Variants in NAV2 observed in about 807,000 individuals in gnomAD.
NAV2 encodes helicase, APC down-regulated 1.
NAV2 carries 54 observed loss-of-function variants against 223.2 expected under a neutral mutation model. The ratio of observed to expected loss-of-function variants is 0.24; its 90% CI spans 0.19 to 0.30. The LOEUF (loss-of-function observed/expected upper bound fraction) is 0.30, where lower values mean the gene tolerates loss of function less well. Among genes scored for constraint, NAV2 ranks in the 10% least tolerant of loss-of-function variants. The pLI, the probability that NAV2 is intolerant of heterozygous loss-of-function variation, is 1.00. For missense variants in NAV2, 2,806 were observed against 3,147.5 expected (o/e 0.89, Z 2.60); for synonymous variants, 1,279 against 1,239.3 (o/e 1.03, Z -0.67).
At chr11:19,884,906 G>A (rs934213586) in intron 5 of NAV2, among the ~76,000 whole-genome samples, 10 of 152,066 alleles carry the variant, frequency 6.6e-5, no homozygotes, top group African/African-American at 4.8e-5. Flanking sequence ...GCTATGTCTC[G>A]TCTTTGTTTC....
At chr11:19,411,981 G>C (rs1850165447) in intron 1 of NAV2, among the ~76,000 whole-genome samples, 1 of 152,170 alleles carries the variant, frequency 6.6e-6, no homozygotes, top group African/African-American at 2.4e-5. Flanking sequence ...TCATGCTATA[G>C]AGTAGAGCTT....
At chr11:19,495,285 C>G (rs113060195) in intron 1 of NAV2, among the ~76,000 whole-genome samples, 11 of 152,214 alleles carry the variant, frequency 7.2e-5, no homozygotes, top group African/African-American at 2.2e-4. Flanking sequence ...AGGAATGGGA[C>G]ATCCAGAAAT....
chr11:19,381,747 T>G (rs1023356097), intron 1 of NAV2, among the ~76,000 whole-genome samples: 8 of 152,138 alleles, frequency 5.3e-5, no homozygotes, highest in Non-Finnish European at 1.2e-4. Context: ...AATGTGGCCA[T>G]TTGGTTTTTT....
At chr11:19,610,625 T>A (rs1298189098) in intron 1 of NAV2, among the ~76,000 whole-genome samples, 1 of 152,220 alleles carries the variant, frequency 6.6e-6, no homozygotes. Flanking sequence ...GGAGGAAGTC[T>A]AGAGGTCAAT....
At chr11:19,561,381 A>G (rs561274289) in intron 1 of NAV2, among the ~76,000 whole-genome samples, 1 of 152,292 alleles carries the variant, frequency 6.6e-6, no homozygotes, top group South Asian at 2.1e-4. Context: ...TTTTGGGAAA[A>G]TCAGGAAATT....
intron 1 of NAV2, among the ~76,000 whole-genome samples, chr11:19,802,289 A>G (rs572461543): frequency 6.6e-6 from 1 of 152,144 alleles, no homozygotes; most frequent in Non-Finnish European, 1.5e-5. Flanking sequence ...TCATGCATCA[A>G]GGAGGGGTGG....
At chr11:19,382,610 A>G (rs1464356321) in intron 1 of NAV2, among the ~76,000 whole-genome samples, 2 of 152,192 alleles carry the variant, frequency 1.3e-5, no homozygotes, top group East Asian at 1.9e-4. Context: ...CCCGAAGTCT[A>G]ATGACTGAAA....
chr11:19,496,551 T>C (rs11025157), intron 1 of NAV2, among the ~76,000 whole-genome samples: 22,938 of 152,232 alleles, frequency 0.15, 1,816 homozygotes, highest in Admixed American at 0.2. Flanking sequence ...AAGCATGTGC[T>C]TCAAGAAAGA....
intron 1 of NAV2, among the ~76,000 whole-genome samples, chr11:19,717,991 C>T (rs1232399549): frequency 1.3e-5 from 2 of 152,182 alleles, no homozygotes; most frequent in Non-Finnish European, 2.9e-5. Context: ...GTCACCCACC[C>T]TTCCTCCAGG....
intron 1 of NAV2, among the ~76,000 whole-genome samples, chr11:19,474,665 T>A (rs1483751522): frequency 6.6e-6 from 1 of 152,194 alleles, no homozygotes; most frequent in Non-Finnish European, 1.5e-5. Context: ...AATATATTCA[T>A]GGATTATTTG....
chr11:19,832,416 C>T lies in NAV2; in HGVS notation c.268-68C>T, dbSNP rs867142270. 177 of 1,237,826 alleles carry T rather than the reference C, an allele frequency of 1.4e-4. No individual in the cohort carries two copies. In the African/African-American group the frequency reaches 2.1e-3, roughly 15 times the overall value. 76.7% of individuals were successfully genotyped at this position (1,237,826 alleles called of 1,614,324 possible). On this transcript the variant is annotated intron_variant, in intron 1 of 37. Coordinates refer to ENST00000349880, the MANE Select transcript of NAV2 (RefSeq NM_145117.5). ...ACAGTGGCCACTGTGCCGGCCCGAG[C>T]AGCTGCCTCAGACTCTGAGAGGGGA...
chr11:19,622,879 G>T (rs1374543352), intron 1 of NAV2, among the ~76,000 whole-genome samples: 1 of 152,114 alleles, frequency 6.6e-6, no homozygotes, highest in African/African-American at 2.4e-5. Flanking sequence ...TTACAATTTG[G>T]CATGTTTTTG....
At chr11:19,860,290 C>T (rs1276336216) in intron 3 of NAV2, among the ~76,000 whole-genome samples, 3 of 135,784 alleles carry the variant, frequency 2.2e-5, no homozygotes, top group South Asian at 2.5e-4. Flanking sequence ...GGCTGCCGGG[C>T]GGAGGGGCTC....
chr11:19,892,981 G>A (rs369872939), intron 6 of NAV2, among the ~76,000 whole-genome samples: 83 of 152,122 alleles, frequency 5.5e-4, no homozygotes, highest in African/African-American at 1.7e-3. Flanking sequence ...TTTTTTATCC[G>A]TCAGAAATAA....
chr11:19,939,576 G>T, intron 7 of NAV2, 85 bp from the exon 8 acceptor site: 1 of 948,448 alleles, frequency 1.1e-6, no homozygotes, highest in South Asian at 1.5e-5. Flanking sequence ...GGAGGTGATG[G>T]TGAGGGCTGT....
At chr11:19,396,193 T>C (rs1849440509) in intron 1 of NAV2, among the ~76,000 whole-genome samples, 1 of 152,172 alleles carries the variant, frequency 6.6e-6, no homozygotes, top group African/African-American at 2.4e-5. Flanking sequence ...TGTCTTTAAA[T>C]CAGCAGAACA....
At chr11:19,968,929 C>T (rs984354585) in intron 10 of NAV2, among the ~76,000 whole-genome samples, 4 of 152,084 alleles carry the variant, frequency 2.6e-5, no homozygotes, top group African/African-American at 9.7e-5. Flanking sequence ...CTTGGCTTCT[C>T]CTTGTCCGCA....
At position 19,859,107 on chromosome 11, in the gene NAV2, C is replaced by T. The variant is rs1160975494; in HGVS notation, c.439-9818C>T. On this transcript the variant is annotated intron_variant, in intron 3 of 37. Coordinates refer to ENST00000349880, the MANE Select transcript of NAV2 (RefSeq NM_145117.5). Reference sequence around the variant, plus strand: ...TGGGCATCTGTCAGGGAGCCAGAACCAGATATGGAGGAGTCCAAAATCATA... The same window carrying T: ...TGGGCATCTGTCAGGGAGCCAGAACTAGATATGGAGGAGTCCAAAATCATA... Among the ~76,000 whole-genome samples, 7 of 149,688 alleles carry T rather than the reference C, an allele frequency of 4.7e-5. No individual in the cohort carries two copies. In the East Asian group the frequency reaches 1.4e-3, roughly 30 times the overall value.
In NAV2 at chr11:19,912,391, T is replaced by C. The variant is rs149786543; in HGVS notation, c.931+19797T>C. 7.9e-3 allele frequency among the ~76,000 whole-genome samples: 1,207 copies of C among 152,360 alleles called. 12 individuals are homozygous for C. The highest frequency in any genetic ancestry group is 0.011 in the Non-Finnish European group (766 of 68,030). ...CCACTTAAACACATTTGGACTTTAATGTCTGTGCTGCTGATTACGAAAATG... is the reference window on the plus strand; with the variant it reads ...CCACTTAAACACATTTGGACTTTAACGTCTGTGCTGCTGATTACGAAAATG... On this transcript the variant is annotated intron_variant, in intron 6 of 37. Coordinates refer to ENST00000349880, the MANE Select transcript of NAV2 (RefSeq NM_145117.5).
Sources: allele counts gnomAD v4.1 joint callset (sites outside exome capture counted in the v4.1 genomes callset), GRCh38; gene constraint gnomAD v4.1.1; transcripts MANE v1.5; gene names NCBI Gene and HGNC (gene_info 2026-07-23, HGNC 2026-07-21).